The following ERBIN variants were observed in gnomAD, a reference collection of about 807,000 sequenced individuals.
ERBIN encodes the protein erbb2 interacting protein, also known as densin-180-like protein.
In ERBIN, 60 loss-of-function variants were observed where a neutral mutation model predicts 158.4. That is an observed-to-expected ratio of 0.38 (90% CI 0.31 to 0.47). The LOEUF (loss-of-function observed/expected upper bound fraction) is 0.47. ERBIN is among the 20% of genes least tolerant of loss of function. The pLI is 0.99. For missense variants in ERBIN, 1,610 were observed against 1,648.0 expected (o/e 0.98, Z 0.40); for synonymous variants, 594 against 557.2 (o/e 1.07, Z -0.93).
rs572944585 is a variant in ERBIN, at chr5:66,060,895, G to T, written c.3633+5944G>T. On this transcript the variant is annotated intron_variant, in intron 21 of 25. Transcript: ENST00000284037. The stretch of plus-strand genomic sequence containing the variant: ...CTGAGTTCTAGTTTGATTGCACTGT[G>T]GTCTGAGAGACAGTTTGTTATAATT... 2.1e-3 allele frequency among the ~76,000 whole-genome samples: 326 copies of T among 152,268 alleles called. 2 individuals carry two copies. The highest frequency in any genetic ancestry group is 7.7e-3 in the African/African-American group (320 of 41,544).
intron 1 of ERBIN, among the ~76,000 whole-genome samples, chr5:65,957,330 A>G (rs999723305): frequency 2.6e-5 from 4 of 152,030 alleles, no homozygotes; most frequent in Non-Finnish European, 4.4e-5. Flanking sequence ...CAAGTGAACA[A>G]AGGTCTCTGG....
intron 20 of ERBIN, among the ~76,000 whole-genome samples, chr5:66,053,074 A>G (rs571186170): frequency 6.6e-6 from 1 of 151,830 alleles, no homozygotes; most frequent in Non-Finnish European, 1.5e-5. Flanking sequence ...TTTTTAGCAC[A>G]TTCATGAAAA....
chr5:65,958,003 G>A (rs1484218492), intron 1 of ERBIN, among the ~76,000 whole-genome samples: 2 of 148,670 alleles, frequency 1.3e-5, no homozygotes, highest in Admixed American at 6.7e-5. Flanking sequence ...GGGCAGAGGC[G>A]CTCCTCACAT....
chr5:66,028,479 T>G (rs1455792339), intron 14 of ERBIN, 136 bp downstream of exon 14: 1 of 480,864 alleles, frequency 2.1e-6, no homozygotes, highest in Non-Finnish European at 3.6e-6. Context: ...ATAAGAAAAA[T>G]CTCAAAATAT....
At chr5:65,972,742 A>C (rs932915799) in intron 1 of ERBIN, among the ~76,000 whole-genome samples, 1 of 151,430 alleles carries the variant, frequency 6.6e-6, no homozygotes, top group Non-Finnish European at 1.5e-5. Flanking sequence ...TAAAGATAAG[A>C]TTGTCATCAA....
intron 3 of ERBIN, 135 bp downstream of exon 3, chr5:65,993,042 T>C: frequency 1.8e-6 from 1 of 541,284 alleles, no homozygotes; most frequent in South Asian, 4.9e-5. Context: ...TCGTAGAGTA[T>C]GCCGTACAAT....
chr5:66,017,467 G>C (rs1466371971), intron 7 of ERBIN, among the ~76,000 whole-genome samples: 1 of 149,784 alleles, frequency 6.7e-6, no homozygotes, highest in Admixed American at 6.6e-5. Context: ...TCATTTGCAC[G>C]TCTTCTTTTG....
At chr5:66,028,685 A>T (rs1756534527) in intron 14 of ERBIN, among the ~76,000 whole-genome samples, 1 of 152,102 alleles carries the variant, frequency 6.6e-6, no homozygotes, top group Admixed American at 6.6e-5. Context: ...CGGCAATTTC[A>T]AGACTATAAC....
At chr5:66,064,406 C>A (rs1393182844) in intron 21 of ERBIN, among the ~76,000 whole-genome samples, 1 of 152,142 alleles carries the variant, frequency 6.6e-6, no homozygotes, top group Admixed American at 6.5e-5. Context: ...AGTTACCTTG[C>A]TATACAAATA....
chr5:65,997,822 C>G (rs956313757), intron 4 of ERBIN, among the ~76,000 whole-genome samples: 3 of 152,000 alleles, frequency 2.0e-5, no homozygotes, highest in African/African-American at 4.8e-5. Context: ...ATCAGTTTTC[C>G]TAAATTTTAG....
At position 66,012,131 on chromosome 5, in the gene ERBIN, A is replaced by C; in HGVS notation, c.386+4A>C. On this transcript the variant is annotated splice_donor_region_variant and intron_variant, in intron 5 of 25. Coordinates refer to ENST00000284037, the MANE Select transcript of ERBIN (RefSeq NM_001253697.2). ...CCAGTGTAAACCCTATTTCCAAGTA[A>C]GTTCTCAGGTGAATTATAAATTACT... The C allele has an allele frequency of 6.4e-7, 1 of 1,553,784 alleles. No individual in the cohort carries two copies. The highest frequency in any genetic ancestry group is 1.2e-5 in the South Asian group (1 of 83,008).
At chr5:66,059,547 T>C (rs1284221775) in intron 21 of ERBIN, among the ~76,000 whole-genome samples, 1 of 152,232 alleles carries the variant, frequency 6.6e-6, no homozygotes, top group Non-Finnish European at 1.5e-5. Flanking sequence ...CCTGCCTGAT[T>C]ACCCTGGCCA....
intron 9 of ERBIN, among the ~76,000 whole-genome samples, chr5:66,023,638 T>C (rs1755926717): frequency 2.0e-5 from 3 of 152,024 alleles, no homozygotes; most frequent in Admixed American, 2.0e-4. Context: ...GCCCAAGGAA[T>C]TGGTAAACTA....
At chr5:65,938,763 G>A (rs1480390671) in intron 1 of ERBIN, among the ~76,000 whole-genome samples, 1 of 152,094 alleles carries the variant, frequency 6.6e-6, no homozygotes, top group Admixed American at 6.5e-5. Context: ...ATATTGGCCA[G>A]GCTGATCTCG....
intron 4 of ERBIN, among the ~76,000 whole-genome samples, chr5:66,008,313 G>A (rs935246509): frequency 6.6e-6 from 1 of 152,158 alleles, no homozygotes; most frequent in African/African-American, 2.4e-5. Context: ...CAGCTACTTA[G>A]GAGGCTGAGG....
chr5:66,082,282 C>G lies in ERBIN; in HGVS notation c.*3752C>G, dbSNP rs1762418517. The G allele has an allele frequency of 6.6e-6, 1 of 152,084 alleles. No homozygotes were observed. Among genetic ancestry groups the G allele is most frequent in the East Asian group, 1.9e-4 (1 of 5,194 alleles). The allele number at this position is 152,084 out of a possible 1,614,324, so 9.4% of individuals were successfully genotyped here. ...CCTAGGTTTTATTGTAGAGAACAAT[C>G]AAAATACTCCTGAACCTTTCTATAG... is the stretch of plus-strand genomic sequence containing the variant. On this transcript the variant is annotated 3_prime_UTR_variant, in exon 26 of 26. Transcript: ENST00000284037.
At chr5:66,030,442 G>A (rs772220541) in intron 14 of ERBIN, among the ~76,000 whole-genome samples, 65 of 151,902 alleles carry the variant, frequency 4.3e-4, no homozygotes, top group African/African-American at 1.3e-3. Flanking sequence ...GAAATTTTGC[G>A]ACTAGATTCA....
chr5:66,072,418 G>A (rs1004760710), intron 22 of ERBIN, 127 bp downstream of exon 22: 2 of 917,226 alleles, frequency 2.2e-6, no homozygotes, highest in Admixed American at 3.6e-5. Context: ...TTATTAGTAA[G>A]GATTTTTAAA....
At chr5:65,940,480 C>T (rs1357768664) in intron 1 of ERBIN, among the ~76,000 whole-genome samples, 1 of 128,446 alleles carries the variant, frequency 7.8e-6, no homozygotes, top group Non-Finnish European at 1.7e-5. Flanking sequence ...GGTCAGTCCC[C>T]CCCCCCCCGG....
Sources: allele counts gnomAD v4.1 joint callset (sites outside exome capture counted in the v4.1 genomes callset), GRCh38; gene constraint gnomAD v4.1.1; transcripts MANE v1.5; gene names NCBI Gene and HGNC (gene_info 2026-07-23, HGNC 2026-07-21).